FAM227B: variants seen among roughly 807,000 people sequenced by gnomAD.
FAM227B encodes protein FAM227B.
A neutral mutation model predicts 73.8 loss-of-function variants in FAM227B; 88 were observed. The observed-to-expected ratio is 1.19, with a 90% CI of 1.00 to 1.42. The LOEUF (loss-of-function observed/expected upper bound fraction) is 1.42. FAM227B is among the 40% of genes most tolerant of loss of function. FAM227B has a pLI of 0.00. For synonymous variants in FAM227B, 210 were observed against 190.5 expected (o/e 1.10, Z -0.84); for missense variants, 632 against 590.9 (o/e 1.07, Z -0.72).
intron 13 of FAM227B, among the ~76,000 whole-genome samples, chr15:49,360,673 A>G (rs546790802): frequency 1.3e-5 from 2 of 152,272 alleles, no homozygotes; most frequent in East Asian, 3.9e-4. Context: ...CCTAGACATC[A>G]AAGTTTTTCT....
At chr15:49,494,238 C>T in intron 11 of FAM227B, among the ~76,000 whole-genome samples, 1 of 137,672 alleles carries the variant, frequency 7.3e-6, no homozygotes, top group East Asian at 2.1e-4. Flanking sequence ...ACTCTATTGC[C>T]TTAGTGGGAG....
chr15:49,594,334 C>G (rs1003659687), intron 3 of FAM227B, among the ~76,000 whole-genome samples: 1 of 151,970 alleles, frequency 6.6e-6, no homozygotes, highest in Non-Finnish European at 1.5e-5. Flanking sequence ...GTCCTTTGTC[C>G]AATGCACAGT....
chr15:49,338,321 G>A (rs2040118072), intron 13 of FAM227B, among the ~76,000 whole-genome samples: 1 of 152,130 alleles, frequency 6.6e-6, no homozygotes, highest in Non-Finnish European at 1.5e-5. Flanking sequence ...GGGCAGGCCT[G>A]GTGGTGACAA....
intron 11 of FAM227B, among the ~76,000 whole-genome samples, chr15:49,504,025 C>T (rs917174045): frequency 6.6e-6 from 1 of 151,908 alleles, no homozygotes; most frequent in Non-Finnish European, 1.5e-5. Flanking sequence ...TGGAGCCAAG[C>T]CAAATGTCCA....
intron 8 of FAM227B, among the ~76,000 whole-genome samples, chr15:49,571,192 T>TA (rs1335129200): frequency 2.0e-5 from 3 of 151,828 alleles, no homozygotes; most frequent in Admixed American, 6.6e-5. Context: ...TTGTTCCTTT[T>TA]AAAATCAGGT....
chr15:49,417,328 A>G (rs1468188566), intron 11 of FAM227B, among the ~76,000 whole-genome samples: 2 of 152,150 alleles, frequency 1.3e-5, no homozygotes, highest in East Asian at 3.9e-4. Context: ...TTGAGGCTGC[A>G]GTAAGCCATG....
At chr15:49,589,005 T>C (rs2076363906) in intron 4 of FAM227B, among the ~76,000 whole-genome samples, 1 of 152,038 alleles carries the variant, frequency 6.6e-6, no homozygotes, top group African/African-American at 2.4e-5. Context: ...CTTATATATA[T>C]GACAAATTTG....
chr15:49,525,522 C>T (rs1326574107), intron 10 of FAM227B, among the ~76,000 whole-genome samples: 1 of 151,420 alleles, frequency 6.6e-6, no homozygotes, highest in Admixed American at 6.6e-5. Context: ...ATTTTATATG[C>T]TGCAAAATCG....
chr15:49,380,974 T>C (rs1412044665), intron 11 of FAM227B, among the ~76,000 whole-genome samples: 3 of 152,192 alleles, frequency 2.0e-5, no homozygotes, highest in African/African-American at 7.2e-5. Flanking sequence ...CAGCATCTGC[T>C]TCTGGTGCAC....
rs1005766292 is a variant in FAM227B at position 49,407,678 on chromosome 15, TAATA to T, written c.1013-36283_1013-36280del. On this transcript the variant is annotated intron_variant, in intron 11 of 15. Transcript: ENST00000299338. ...TTATTATATTAATTATATATAGTAC[TAATA>T]TATATATAATATGTATTTATATATG... 1.0e-3 allele frequency among the ~76,000 whole-genome samples: 150 copies of T among 148,332 alleles called. 1 individual carries two copies. Among genetic ancestry groups the T allele is most frequent in the African/African-American group, 3.1e-3 (128 of 40,880 alleles).
At chr15:49,447,544 C>T (rs1270697069) in intron 11 of FAM227B, among the ~76,000 whole-genome samples, 1 of 151,584 alleles carries the variant, frequency 6.6e-6, no homozygotes, top group Non-Finnish European at 1.5e-5. Context: ...GTAGCATATG[C>T]GTTGATGTAT....
At chr15:49,535,166 A>G (rs1235377120) in intron 10 of FAM227B, among the ~76,000 whole-genome samples, 1 of 151,736 alleles carries the variant, frequency 6.6e-6, no homozygotes, top group Non-Finnish European at 1.5e-5. Context: ...TTGAGGAAAT[A>G]AAATGGACAA....
intron 11 of FAM227B, among the ~76,000 whole-genome samples, chr15:49,502,075 A>G (rs1235896210): frequency 6.6e-6 from 1 of 152,228 alleles, no homozygotes; most frequent in African/African-American, 2.4e-5. Flanking sequence ...TTGAGGATGT[A>G]TGAAAAAGCC....
chr15:49,415,473 T>A (rs1429556), intron 11 of FAM227B, among the ~76,000 whole-genome samples: 104,711 of 151,924 alleles, frequency 0.69, 36,509 homozygotes, highest in African/African-American at 0.76. Flanking sequence ...CAAGACAATC[T>A]AGAATGAATT....
At chr15:49,520,713 T>C (rs1432237333) in intron 10 of FAM227B, among the ~76,000 whole-genome samples, 2 of 152,048 alleles carry the variant, frequency 1.3e-5, no homozygotes, top group Admixed American at 1.3e-4. Context: ...GAGAACAGCG[T>C]GGGAAAAACT....
chr15:49,430,331 T>G (rs1268920119), intron 11 of FAM227B, among the ~76,000 whole-genome samples: 1 of 151,850 alleles, frequency 6.6e-6, no homozygotes, highest in Non-Finnish European at 1.5e-5. Context: ...CCTCAATGTC[T>G]GCTTATTCTG....
At chr15:49,358,954 C>A (rs1183378854) in intron 13 of FAM227B, among the ~76,000 whole-genome samples, 3 of 148,386 alleles carry the variant, frequency 2.0e-5, no homozygotes, top group Non-Finnish European at 3.0e-5. Context: ...ACTATCTGAT[C>A]TTTGACAAAC....
chr15:49,384,176 G>C (rs979299304), intron 11 of FAM227B, among the ~76,000 whole-genome samples: 2 of 152,020 alleles, frequency 1.3e-5, no homozygotes, highest in African/African-American at 4.8e-5. Flanking sequence ...GAAGAAACTA[G>C]AACAGAAACA....
intron 13 of FAM227B, among the ~76,000 whole-genome samples, chr15:49,363,658 A>G (rs899129714): frequency 2.0e-5 from 3 of 152,136 alleles, no homozygotes; most frequent in Non-Finnish European, 2.9e-5. Flanking sequence ...TTCCAATACT[A>G]TGTTGAATAG....
Sources: gnomAD v4.1 joint callset for allele counts (sites outside exome capture counted in the v4.1 genomes callset) on GRCh38, gnomAD v4.1.1 for gene constraint, MANE v1.5 for transcripts, NCBI Gene and HGNC (gene_info 2026-07-23, HGNC 2026-07-21) for gene names.